Variants in GPHN observed in about 807,000 individuals in gnomAD.
The protein encoded by GPHN is gephyrin.
A neutral mutation model predicts 95.5 loss-of-function variants in GPHN; 17 were observed. The ratio of observed to expected loss-of-function variants is 0.18; its 90% CI spans 0.12 to 0.27. The LOEUF (loss-of-function observed/expected upper bound fraction) is 0.27. GPHN is among the 10% of genes least tolerant of loss of function. The pLI, the probability that GPHN is intolerant of heterozygous loss-of-function variation, is 1.00. For synonymous variants in GPHN, 320 were observed against 322.5 expected (o/e 0.99, Z 0.08); for missense variants, 660 against 978.1 (o/e 0.67, Z 4.34).
At chr14:67,538,166 A>T in the GPHN span, among the ~76,000 whole-genome samples, 11 of 152,050 alleles carry the variant, frequency 7.2e-5, no homozygotes, top group Admixed American at 1.3e-4. Flanking sequence ...CCCCTCTCTC[A>T]TTTCCCCATT....
chr14:66,652,085 T>A (rs1324545656), intron 1 of GPHN, among the ~76,000 whole-genome samples: 2 of 152,140 alleles, frequency 1.3e-5, no homozygotes, highest in African/African-American at 4.8e-5. Context: ...GAAATCCATC[T>A]TTCTTTGCAT....
chr14:67,109,480 G>A (rs1028633707), intron 13 of GPHN, among the ~76,000 whole-genome samples: 10 of 152,124 alleles, frequency 6.6e-5, no homozygotes, highest in Non-Finnish European at 1.3e-4. Flanking sequence ...CCATCAATAT[G>A]AGAGCACAAA....
the GPHN span, chr14:67,359,663 C>A: frequency 1.5e-5 from 25 of 1,613,928 alleles, no homozygotes; most frequent in South Asian, 1.9e-4. Flanking sequence ...CTTACATTCG[C>A]GAGGGAAAGA....
At chr14:67,306,117 ATG>A in the GPHN span, among the ~76,000 whole-genome samples, 61 of 152,216 alleles carry the variant, frequency 4.0e-4, no homozygotes, top group Non-Finnish European at 1.5e-4. Context: ...CTACAAGTGC[ATG>A]CCACCACATC....
chr14:66,863,096 A>G (rs2063092160), intron 4 of GPHN, among the ~76,000 whole-genome samples: 1 of 152,122 alleles, frequency 6.6e-6, no homozygotes, highest in Non-Finnish European at 1.5e-5. Context: ...TCCACCAAAC[A>G]ACTATTAGAA....
intron 10 of GPHN, among the ~76,000 whole-genome samples, chr14:67,033,619 A>T (rs960717141): frequency 2.0e-5 from 3 of 150,456 alleles, no homozygotes; most frequent in Non-Finnish European, 4.4e-5. Context: ...GGACCAGTGT[A>T]TACATTATGA....
the GPHN span, among the ~76,000 whole-genome samples, chr14:67,201,119 C>A: frequency 6.6e-6 from 1 of 152,096 alleles, no homozygotes; most frequent in Non-Finnish European, 1.5e-5. Flanking sequence ...CAAGTGAGAT[C>A]CCATCTCTAA....
chr14:67,236,450 T>G, the GPHN span, among the ~76,000 whole-genome samples: 1 of 152,236 alleles, frequency 6.6e-6, no homozygotes, highest in Non-Finnish European at 1.5e-5. Context: ...TCTTATCGTG[T>G]CCTTTTTCCT....
At chr14:67,217,415 A>G in the GPHN span, among the ~76,000 whole-genome samples, 23 of 152,312 alleles carry the variant, frequency 1.5e-4, no homozygotes, top group East Asian at 3.9e-3. Flanking sequence ...ATTTAAGGTT[A>G]TTAGTGATAG....
intron 19 of GPHN, among the ~76,000 whole-genome samples, chr14:67,164,855 C>T (rs1261557191): frequency 1.3e-5 from 2 of 150,714 alleles, no homozygotes; most frequent in African/African-American, 4.9e-5. Flanking sequence ...ACATTATTAA[C>T]TAGAGGGGTG....
At chr14:67,204,460 T>C in the GPHN span, 1 of 1,436,916 alleles carries the variant, frequency 7.0e-7, no homozygotes, top group Non-Finnish European at 9.1e-7. Context: ...CAAACAAATA[T>C]ATATATATAT....
At chr14:67,360,316 A>C in the GPHN span, 7 of 398,102 alleles carry the variant, frequency 1.8e-5, no homozygotes, top group Non-Finnish European at 2.7e-5. Context: ...TGCGCATGCG[A>C]GGAGGTTCCG....
At chr14:66,807,657 C>T (rs755865869) in intron 3 of GPHN, among the ~76,000 whole-genome samples, 2 of 152,198 alleles carry the variant, frequency 1.3e-5, no homozygotes, top group Non-Finnish European at 2.9e-5. Flanking sequence ...CAAAGGTAAT[C>T]ACTATCCTGA....
the GPHN span, among the ~76,000 whole-genome samples, chr14:67,565,020 TTAAAA>T: frequency 2.6e-5 from 4 of 152,210 alleles, no homozygotes; most frequent in East Asian, 7.7e-4. Flanking sequence ...TGATAAAAAG[TTAAAA>T]TAAAAATGAG....
the GPHN span, among the ~76,000 whole-genome samples, chr14:67,238,720 T>TGCA: frequency 6.6e-6 from 1 of 152,148 alleles, no homozygotes; most frequent in Admixed American, 6.5e-5. Context: ...CTCAGCTTAC[T>TGCA]GCAGCATCGA....
At chr14:67,008,411 G>A (rs112874307) in intron 9 of GPHN, among the ~76,000 whole-genome samples, 11,126 of 150,628 alleles carry the variant, frequency 0.074, 425 homozygotes, top group Middle Eastern at 0.089. Flanking sequence ...AGCCGAGATC[G>A]CTCCACTGCA....
chr14:67,071,899 A>G (rs2076327297), intron 11 of GPHN, among the ~76,000 whole-genome samples: 2 of 152,146 alleles, frequency 1.3e-5, no homozygotes, highest in South Asian at 4.1e-4. Flanking sequence ...ACAATACTTA[A>G]TCCAAAAAGG....
At chr14:66,553,766 G>A (rs994504974) in intron 1 of GPHN, among the ~76,000 whole-genome samples, 5 of 152,016 alleles carry the variant, frequency 3.3e-5, no homozygotes, top group African/African-American at 4.8e-5. Flanking sequence ...TAGTAGAGAC[G>A]GGGTTTCACC....
chr14:67,474,305 C>A, the GPHN span, among the ~76,000 whole-genome samples: 1 of 151,930 alleles, frequency 6.6e-6, no homozygotes, highest in South Asian at 2.1e-4. Context: ...ACCCACCCAC[C>A]CCACTGACTT....
Sources: gnomAD v4.1 joint callset for allele counts (sites outside exome capture counted in the v4.1 genomes callset) on GRCh38, gnomAD v4.1.1 for gene constraint, MANE v1.5 for transcripts, NCBI Gene and HGNC (gene_info 2026-07-23, HGNC 2026-07-21) for gene names.